C1QTNF2: variants seen among roughly 807,000 people sequenced by gnomAD.
C1QTNF2 encodes C1q and TNF related 2.
In C1QTNF2, 15 loss-of-function variants were observed where a neutral mutation model predicts 17.4. The observed-to-expected ratio is 0.86, with a 90% CI of 0.58 to 1.33. C1QTNF2 has a LOEUF of 1.33. Ranked by LOEUF, C1QTNF2 falls within the 40% of genes most tolerant of loss-of-function variation. The probability of loss-of-function intolerance (pLI) is 0.00; values close to 1 mark genes in which losing one functional copy is unlikely to be tolerated. For missense variants in C1QTNF2, 381 were observed against 392.3 expected, an observed-to-expected ratio of 0.97 and a Z score of 0.24; for synonymous variants, 154 against 163.3, an observed-to-expected ratio of 0.94 and a Z score of 0.44.
At chr5:160,350,985 C>T (rs1315631200) in intron 2 of C1QTNF2, among the ~76,000 whole-genome samples, 2 of 152,234 alleles carry the variant, frequency 1.3e-5, no homozygotes, top group East Asian at 1.9e-4. Context: ...CTCCTGACCT[C>T]GTGATCTGCC....
At chr5:160,358,111 T>C (rs1437650969) in intron 1 of C1QTNF2, among the ~76,000 whole-genome samples, 5 of 152,156 alleles carry the variant, frequency 3.3e-5, no homozygotes, top group African/African-American at 9.7e-5. Context: ...GGTGGAAGGG[T>C]GTGTGTCTGA....
chr5:160,363,703 G>A (rs563484452), intron 1 of C1QTNF2, among the ~76,000 whole-genome samples: 18 of 152,350 alleles, frequency 1.2e-4, no homozygotes, highest in East Asian at 5.8e-4. Flanking sequence ...CCTGCTGCAC[G>A]TCTGAGCCTC....
rs1393405391 is a variant in C1QTNF2 at position 160,354,595 on chromosome 5, A to ATATATATATATATAT, written c.244+172_244+173insATATATATATATATA. Among the ~76,000 whole-genome samples, 8 of 32,738 alleles carry ATATATATATATATAT rather than the reference A, an allele frequency of 2.4e-4. No homozygotes were observed. In the East Asian group the frequency reaches 3.9e-3, roughly 16 times the overall value. 21.5% of individuals were successfully genotyped at this position (32,738 alleles called of 152,430 possible). A position where few individuals can be genotyped will look rare whatever the true frequency, so the allele number is the denominator to read the frequency against. On this transcript the variant is annotated intron_variant, in intron 2 of 2. Transcript: ENST00000652664. ...CTCTGTCTCAAGGGGAAAAAAAAAA[A>ATATATATATATATAT]AAGTATATATATATATATATATATA... is the stretch of plus-strand genomic sequence containing the variant.
chr5:160,353,788 C>CTTTTTTTTTTTTTTTTT, intron 2 of C1QTNF2, among the ~76,000 whole-genome samples: 1 of 85,978 alleles, frequency 1.2e-5, no homozygotes, highest in Non-Finnish European at 2.1e-5. Context: ...ACTTCTCAGG[C>CTTTTTTTTTTTTTTTTT]TTTTTTTTTT....
intron 1 of C1QTNF2, among the ~76,000 whole-genome samples, chr5:160,365,554 T>C (rs1764231698): frequency 6.6e-6 from 1 of 151,660 alleles, no homozygotes; most frequent in East Asian, 1.9e-4. Context: ...GGCAACAAAG[T>C]GAGACCTCCC....
chr5:160,370,318 T>C (rs904856369), intron 1 of C1QTNF2, among the ~76,000 whole-genome samples, 194 bp downstream of exon 1: 1 of 152,102 alleles, frequency 6.6e-6, no homozygotes, highest in Non-Finnish European at 1.5e-5. Flanking sequence ...ACTCAAAACA[T>C]GTTAATTTGT....
intron 1 of C1QTNF2, among the ~76,000 whole-genome samples, chr5:160,369,178 G>A (rs2113543277): frequency 6.6e-6 from 1 of 152,288 alleles, no homozygotes; most frequent in Middle Eastern, 3.4e-3. Flanking sequence ...GGGAGGGGGT[G>A]TGTGGGCTTT....
rs565786172 is a variant in C1QTNF2 at position 160,362,985 on chromosome 5, T to C, written c.-10+7527A>G. ...AAATTGTAATTGTTACTAGTTGCAA[T>C]TGAACTAAGGGATCACAGTCCTGAA... On this transcript the variant is annotated intron_variant, in intron 1 of 2. Coordinates refer to ENST00000652664, the MANE Select transcript of C1QTNF2 (RefSeq NM_031908.6). 1.2e-4 allele frequency among the ~76,000 whole-genome samples: 18 copies of C among 152,310 alleles called. 1 individual carries two copies. The South Asian group carries it at 2.1e-3, about 18-fold the overall frequency.
chr5:160,351,914 T>C (rs1472204532), intron 2 of C1QTNF2, among the ~76,000 whole-genome samples: 6 of 151,590 alleles, frequency 4.0e-5, no homozygotes, highest in African/African-American at 1.2e-4. Flanking sequence ...CAGAATCTTT[T>C]TTTTTTTTTT....
chr5:160,351,715 A>C (rs1015845246), intron 2 of C1QTNF2, among the ~76,000 whole-genome samples: 3 of 152,172 alleles, frequency 2.0e-5, no homozygotes, highest in African/African-American at 7.2e-5. Flanking sequence ...GTAAGTAAGG[A>C]GGACTTTTGC....
rs1181577074 is a variant in C1QTNF2, at chr5:160,349,728, C to T, written c.298G>A (p.Gly100Arg). 18 of 1,555,094 alleles carry T rather than the reference C, an allele frequency of 1.2e-5. No homozygotes were observed. Among genetic ancestry groups the T allele is most frequent in the East Asian group, 2.2e-5 (1 of 44,658 alleles). The change falls in exon 3 of 3, where the codon GGG becomes AGG. Residue 100 changes from glycine to arginine, a missense_variant. Physicochemically the swap from Gly to Arg is moderately radical, Grantham distance 125. Coordinates refer to ENST00000652664, the MANE Select transcript of C1QTNF2 (RefSeq NM_031908.6). The surrounding 1 kb of genome is among the most constrained non-coding windows in gnomAD (Gnocchi z 4.3). ...RGKPGPKGKA[G>R]AIGRAGPRGP... is the part of the protein sequence containing the mutation. ...CGGGGGCCAGCCCGCCCAATGGCCCCGGCTTTGCCCTTTGGTCCTGGCTTT... is the reference window on the plus strand; with the variant it reads ...CGGGGGCCAGCCCGCCCAATGGCCCTGGCTTTGCCCTTTGGTCCTGGCTTT...
Position 160,349,511 on chromosome 5 carries a change from A to G in C1QTNF2, c.515T>C (p.Ile172Thr), listed in dbSNP as rs781222318. 2.5e-6 allele frequency: 4 copies of G among 1,613,902 alleles called. No individual in the cohort carries two copies. In the East Asian group the frequency reaches 6.7e-5, roughly 27 times the overall value. Reference protein sequence around the residue: ...RERLPIKFDKILMNEGGHYNA... With the variant: ...RERLPIKFDKTLMNEGGHYNA... ...GTAGTGGCCACCCTCGTTCATCAGA[A>G]TCTTGTCAAACTTGATGGGCAGCCG... Residue 172 changes from isoleucine (I) to threonine (T), a missense_variant, in exon 3 of 3, where the codon ATT (isoleucine) becomes ACT (threonine). Coordinates refer to ENST00000652664, the MANE Select transcript of C1QTNF2 (RefSeq NM_031908.6). This position sits in a 1 kb window ranked among gnomAD's most constrained non-coding sequence, Gnocchi z 4.3.
chr5:160,369,221 G>A (rs993727605), intron 1 of C1QTNF2, among the ~76,000 whole-genome samples: 3 of 152,122 alleles, frequency 2.0e-5, no homozygotes, highest in Non-Finnish European at 2.9e-5. Flanking sequence ...TGAACTGTTC[G>A]AATTTCTTGT....
At chr5:160,354,060 C>T (rs558193793) in intron 2 of C1QTNF2, among the ~76,000 whole-genome samples, 1 of 152,168 alleles carries the variant, frequency 6.6e-6, no homozygotes, top group East Asian at 1.9e-4. Flanking sequence ...CCACCTCGGC[C>T]TCCCAAGTGC....
chr5:160,360,580 A>G (rs1333797004), intron 1 of C1QTNF2, among the ~76,000 whole-genome samples: 1 of 152,170 alleles, frequency 6.6e-6, no homozygotes, highest in Non-Finnish European at 1.5e-5. Flanking sequence ...TAGGTGCTCC[A>G]TAGAGAGCTG....
At chr5:160,369,596 C>T (rs969103622) in intron 1 of C1QTNF2, among the ~76,000 whole-genome samples, 1 of 152,204 alleles carries the variant, frequency 6.6e-6, no homozygotes, top group Non-Finnish European at 1.5e-5. Flanking sequence ...CATTGTCTTT[C>T]TATTACTGCT....
At chr5:160,357,744 A>C (rs1581036323) in intron 1 of C1QTNF2, among the ~76,000 whole-genome samples, 1 of 152,050 alleles carries the variant, frequency 6.6e-6, no homozygotes. Flanking sequence ...AGCTGAAGAC[A>C]GGCAGAAAAG....
intron 1 of C1QTNF2, among the ~76,000 whole-genome samples, chr5:160,361,269 C>T (rs1764149457): frequency 6.6e-6 from 1 of 152,190 alleles, no homozygotes; most frequent in Non-Finnish European, 1.5e-5. Flanking sequence ...AGGACATGGC[C>T]CTCTGGTTTA....
Position 160,362,015 on chromosome 5 carries a change from C to T in C1QTNF2, c.-9-6995G>A, listed in dbSNP as rs539524935. On this transcript the variant is annotated intron_variant, in intron 1 of 2. Coordinates refer to ENST00000652664, the MANE Select transcript of C1QTNF2 (RefSeq NM_031908.6). ...TCTCAGCTGGGCTGCTGGAGCCTAGCGCAGCACTGCATAGAGTAAGTGCTC... is the reference window on the plus strand; with the variant it reads ...TCTCAGCTGGGCTGCTGGAGCCTAGTGCAGCACTGCATAGAGTAAGTGCTC... Among the ~76,000 whole-genome samples, 9 of 152,278 alleles carry T rather than the reference C, an allele frequency of 5.9e-5. No homozygotes were observed. The East Asian group carries it at 9.6e-4, about 16-fold the overall frequency.
Sources: allele counts gnomAD v4.1 joint callset (sites outside exome capture counted in the v4.1 genomes callset), GRCh38; gene constraint gnomAD v4.1.1; non-coding constraint Gnocchi (gnomAD v3.1); transcripts MANE v1.5; gene names NCBI Gene and HGNC (gene_info 2026-07-23, HGNC 2026-07-21).